The following PCDHGA6 variants were observed in gnomAD, a reference collection of about 807,000 sequenced individuals.
The protein encoded by PCDHGA6 is protocadherin gamma subfamily A, 6, also known as protocadherin gamma-A6.
Under a neutral mutation model 60.6 loss-of-function variants are expected in PCDHGA6, and 41 were observed. The observed-to-expected ratio is 0.68, with a 90% CI of 0.53 to 0.88. The LOEUF is 0.88. Ranked by LOEUF, PCDHGA6 falls within the 40% of genes least tolerant of loss-of-function variation. The pLI, the probability that PCDHGA6 is intolerant of heterozygous loss-of-function variation, is 0.00. For synonymous variants in PCDHGA6, 594 were observed against 524.4 expected, an observed-to-expected ratio of 1.13 and a Z score of -1.81; for missense variants, 1,312 against 1,203.0, an observed-to-expected ratio of 1.09 and a Z score of -1.34.
rs1596285501 is a variant in PCDHGA6, at chr5:141,510,367, C to A, written c.2573-580C>A. Among the ~76,000 whole-genome samples the A allele has an allele frequency of 5.0e-5, 7 of 140,362 alleles. 1 individual carries two copies. In the South Asian group the frequency reaches 1.6e-3, roughly 31 times the overall value. The allele number at this position is 140,362 out of a possible 152,430, so 92.1% of individuals were successfully genotyped here. A position where few individuals can be genotyped will look rare whatever the true frequency, so the allele number is the denominator to read the frequency against. On this transcript the variant is annotated intron_variant, in intron 3 of 3. Transcript: ENST00000517434. ...ACACTTACTAACGGAACTACCGAAT[C>A]TCTACTCGTGCCAGGCCTTGCTTGG...
Position 141,510,979 on chromosome 5 carries a change from G to A in PCDHGA6, c.2605G>A (p.Gly869Ser). 6.2e-7 allele frequency: 1 copy of A among 1,614,156 alleles called. No homozygotes were observed. The highest frequency in any genetic ancestry group is 8.5e-7 in the Non-Finnish European group (1 of 1,180,018). Reference sequence around the variant, plus strand: ...TGATGGGAGCTCCACCCTGGGAGGGGGTGCCGGCACCATGGGATTGAGCGC... The same window carrying A: ...TGATGGGAGCTCCACCCTGGGAGGGAGTGCCGGCACCATGGGATTGAGCGC... ...AADGSSTLGG[G>S]AGTMGLSARY... The change falls in exon 4 of 4, where the codon GGT becomes AGT. Residue 869 changes from glycine (G) to serine (S), a missense_variant. Physicochemically the swap from Gly to Ser is moderately conservative, Grantham distance 56. Transcript: ENST00000517434.
intron 1 of PCDHGA6, chr5:141,417,858 C>T (rs561149517): frequency 6.5e-7 from 1 of 1,547,240 alleles, no homozygotes. Flanking sequence ...CCCGAGCGAA[C>T]GATGGGAGGG....
chr5:141,421,359 C>T, intron 1 of PCDHGA6: 1 of 1,614,012 alleles, frequency 6.2e-7, no homozygotes, highest in Non-Finnish European at 8.5e-7. Context: ...AAAAGGGCTC[C>T]TTCGTGGGCA....
At position 141,420,340 on chromosome 5, in the gene PCDHGA6, G is replaced by A. The variant is rs1405507680; in HGVS notation, c.2424+43833G>A. ...ATATGCCAATATATTCCAATATAGT[G>A]GTATTATTTTAAGATTCTAGATAAC... On this transcript the variant is annotated intron_variant, in intron 1 of 3. Transcript: ENST00000517434. The A allele has an allele frequency of 2.9e-6, 4 of 1,387,388 alleles. No homozygotes were observed. In the African/African-American group the frequency reaches 4.4e-5, roughly 15 times the overall value. 85.9% of individuals were successfully genotyped at this position (1,387,388 alleles called of 1,614,324 possible). A position where few individuals can be genotyped will look rare whatever the true frequency, so the allele number is the denominator to read the frequency against.
Position 141,490,089 on chromosome 5 carries a change from C to G in PCDHGA6, c.2425-4718C>G. On this transcript the variant is annotated intron_variant, in intron 1 of 3. Transcript: ENST00000517434. This position sits in a 1 kb window ranked among gnomAD's most constrained non-coding sequence, Gnocchi z 5.4. ...GCCAACTAGACTATTCTTTTGGAGACCACACATCTGAGGCAGTGCGGAACC... is the reference window on the plus strand; with the variant it reads ...GCCAACTAGACTATTCTTTTGGAGAGCACACATCTGAGGCAGTGCGGAACC... 1 of 1,614,232 alleles carries G rather than the reference C, an allele frequency of 6.2e-7. No homozygotes were observed. The highest frequency in any genetic ancestry group is 8.5e-7 in the Non-Finnish European group (1 of 1,180,026).
At chr5:141,438,591 CATATATATATATATATAT>C (rs946798767) in intron 1 of PCDHGA6, among the ~76,000 whole-genome samples, 2 of 75,562 alleles carry the variant, frequency 2.6e-5, no homozygotes, top group Non-Finnish European at 5.4e-5. Context: ...TACATACATA[CATATATATATATATATAT>C]ATATATATAT....
At chr5:141,464,480 A>T (rs1013894368) in intron 1 of PCDHGA6, among the ~76,000 whole-genome samples, 4 of 151,864 alleles carry the variant, frequency 2.6e-5, no homozygotes, top group African/African-American at 7.3e-5. Flanking sequence ...CGTATAATAA[A>T]TTCCTAATAG....
intron 1 of PCDHGA6, among the ~76,000 whole-genome samples, chr5:141,443,479 C>G (rs1285767691): frequency 6.6e-6 from 1 of 152,144 alleles, no homozygotes; most frequent in African/African-American, 2.4e-5. Context: ...GAATTAGACC[C>G]TGTCCCAAAA....
chr5:141,457,301 CCAAA>C (rs1163780799), intron 1 of PCDHGA6, among the ~76,000 whole-genome samples: 1 of 152,090 alleles, frequency 6.6e-6, no homozygotes, highest in Non-Finnish European at 1.5e-5. Context: ...TTTTATTTTC[CCAAA>C]CAAAGAAACC....
At position 141,485,343 on chromosome 5, in the gene PCDHGA6, A is replaced by G; in HGVS notation, c.2425-9464A>G. ...GCTCAAGATTTCCTGCTGGATACGG[A>G]CAGTCTGTCAGCTCGCAGGCTGCAG... On this transcript the variant is annotated intron_variant, in intron 1 of 3. Transcript: ENST00000517434. This position sits in a 1 kb window ranked among gnomAD's most constrained non-coding sequence, Gnocchi z 5.7. 1 of 1,614,062 alleles carries G rather than the reference A, an allele frequency of 6.2e-7. No homozygotes were observed. Among genetic ancestry groups the G allele is most frequent in the Non-Finnish European group, 8.5e-7 (1 of 1,179,984 alleles).
At chr5:141,404,914 C>G (rs1423848318) in intron 1 of PCDHGA6, 1 of 1,613,830 alleles carries the variant, frequency 6.2e-7, no homozygotes, top group Non-Finnish European at 8.5e-7. Flanking sequence ...AGCCCCCTCT[C>G]TCGGCCACTG....
intron 1 of PCDHGA6, among the ~76,000 whole-genome samples, chr5:141,450,888 G>A (rs1038570371): frequency 6.9e-5 from 10 of 145,278 alleles, no homozygotes; most frequent in Admixed American, 4.1e-4. Context: ...GCAGTGGTGC[G>A]ATATCGGCTC....
At chr5:141,503,902 C>T (rs552180745) in intron 2 of PCDHGA6, among the ~76,000 whole-genome samples, 7 of 152,328 alleles carry the variant, frequency 4.6e-5, no homozygotes, top group African/African-American at 1.7e-4. Context: ...AATATGCACA[C>T]ACACAACGCA....
At chr5:141,399,125 T>C in intron 1 of PCDHGA6, 1 of 1,613,834 alleles carries the variant, frequency 6.2e-7, no homozygotes, top group South Asian at 1.1e-5. Context: ...GAAATTAATA[T>C]TCAAGATGAA....
intron 1 of PCDHGA6, among the ~76,000 whole-genome samples, chr5:141,406,747 CA>C (rs889749071): frequency 1.2e-4 from 19 of 152,168 alleles, no homozygotes; most frequent in Non-Finnish European, 2.1e-4. Flanking sequence ...TGTGAAATGA[CA>C]AAACAAGGAA....
rs750804901 is a variant in PCDHGA6, at chr5:141,476,422, C to T, written c.2425-18385C>T. ...GAGAGGAGCTGTGTGGGACACTGCC[C>T]TCTTGCACTGTAACTCTGGAGTTGG... On this transcript the variant is annotated intron_variant, in intron 1 of 3. Transcript: ENST00000517434. The surrounding 1 kb of genome is among the most constrained non-coding windows in gnomAD (Gnocchi z 7.6). The T allele has an allele frequency of 1.7e-5, 28 of 1,614,026 alleles. No homozygotes were observed. Among genetic ancestry groups the T allele is most frequent in the East Asian group, 2.2e-5 (1 of 44,860 alleles).
At chr5:141,396,826 T>C (rs2150684125) in intron 1 of PCDHGA6, among the ~76,000 whole-genome samples, 1 of 152,342 alleles carries the variant, frequency 6.6e-6, no homozygotes, top group South Asian at 2.1e-4. Flanking sequence ...ATGGTGCATA[T>C]TCAGTGGAGT....
chr5:141,413,032 C>A, intron 1 of PCDHGA6: 1 of 766,948 alleles, frequency 1.3e-6, no homozygotes, highest in Non-Finnish European at 2.0e-6. Context: ...CACAAACCGG[C>A]TGCTGGGCTG....
intron 3 of PCDHGA6, among the ~76,000 whole-genome samples, chr5:141,508,658 A>G (rs1420910010): frequency 2.0e-5 from 3 of 152,086 alleles, no homozygotes; most frequent in African/African-American, 4.8e-5. Flanking sequence ...CCTTCCTGTC[A>G]TTCTGTCTCT....
Sources: allele counts gnomAD v4.1 joint callset (sites outside exome capture counted in the v4.1 genomes callset), GRCh38; gene constraint gnomAD v4.1.1; non-coding constraint Gnocchi (gnomAD v3.1); transcripts MANE v1.5; gene names NCBI Gene and HGNC (gene_info 2026-07-23, HGNC 2026-07-21).